The following CTNNA3 variants were observed in gnomAD, a reference collection of about 807,000 sequenced individuals.
CTNNA3 encodes the protein catenin alpha 3.
A neutral mutation model predicts 95.7 loss-of-function variants in CTNNA3; 76 were observed. The ratio of observed to expected loss-of-function variants is 0.79; its 90% CI spans 0.66 to 0.96. The LOEUF is 0.96. Ranked by LOEUF, CTNNA3 falls within the 40% of genes least tolerant of loss-of-function variation. CTNNA3 has a pLI of 0.00. For synonymous variants in CTNNA3, 431 were observed against 374.4 expected (o/e 1.15, Z -1.74); for missense variants, 1,191 against 1,089.8 (o/e 1.09, Z -1.31).
At chr10:66,234,646 A>G (rs2089761831) in intron 13 of CTNNA3, among the ~76,000 whole-genome samples, 1 of 152,180 alleles carries the variant, frequency 6.6e-6, no homozygotes, top group Non-Finnish European at 1.5e-5. Flanking sequence ...TACATCCCTA[A>G]GGCAGGTGAA....
intron 6 of CTNNA3, among the ~76,000 whole-genome samples, chr10:67,197,907 T>A (rs915323679): frequency 2.0e-4 from 31 of 152,110 alleles, no homozygotes; most frequent in African/African-American, 7.2e-4. Flanking sequence ...GGAGTCTACA[T>A]AAAGCTACAT....
Position 66,083,043 on chromosome 10 carries a change from T to TTC in CTNNA3, c.1978-13555_1978-13554insGA, listed in dbSNP as rs1232655869. Among the ~76,000 whole-genome samples the TTC allele has an allele frequency of 5.3e-5, 8 of 150,984 alleles. No homozygotes were observed. The South Asian group carries it at 6.3e-4, about 12-fold the overall frequency. ...AGGAAAGTCTAAAACTATTTTTTTT[T>TTC]CTCTTTGCTAGAGATCTTCTTAGTG... On this transcript the variant is annotated intron_variant, in intron 14 of 17. Coordinates refer to ENST00000433211, the MANE Select transcript of CTNNA3 (RefSeq NM_013266.4).
chr10:66,124,903 T>C (rs1325385782), intron 13 of CTNNA3, among the ~76,000 whole-genome samples: 1 of 152,180 alleles, frequency 6.6e-6, no homozygotes, highest in Non-Finnish European at 1.5e-5. Context: ...TACAATTTAA[T>C]ATGAGATTTT....
intron 7 of CTNNA3, among the ~76,000 whole-genome samples, chr10:66,950,651 A>G (rs1848492395): frequency 6.6e-6 from 1 of 152,184 alleles, no homozygotes; most frequent in Non-Finnish European, 1.5e-5. Flanking sequence ...CAGCAAAAGA[A>G]CCATTAGAAA....
At chr10:66,906,597 G>A (rs150027339) in intron 7 of CTNNA3, among the ~76,000 whole-genome samples, 34 of 152,058 alleles carry the variant, frequency 2.2e-4, no homozygotes, top group Admixed American at 4.6e-4. Flanking sequence ...TTAATTTTTC[G>A]ATACAATATG....
intron 10 of CTNNA3, among the ~76,000 whole-genome samples, chr10:66,553,690 G>T (rs1476834924): frequency 6.6e-6 from 1 of 151,056 alleles, no homozygotes; most frequent in Admixed American, 6.6e-5. Flanking sequence ...ACCACACCCG[G>T]CTAATTTTTT....
intron 7 of CTNNA3, among the ~76,000 whole-genome samples, chr10:67,022,602 GTATAC>G (rs1256534533): frequency 6.6e-6 from 1 of 152,108 alleles, no homozygotes; most frequent in Non-Finnish European, 1.5e-5. Context: ...ACAAAGGTAA[GTATAC>G]TATTTTTTAC....
intron 13 of CTNNA3, among the ~76,000 whole-genome samples, chr10:66,237,411 G>C (rs892002110): frequency 6.6e-6 from 1 of 152,128 alleles, no homozygotes; most frequent in Non-Finnish European, 1.5e-5. Flanking sequence ...GGCTTTACAT[G>C]ATGACGTGTA....
chr10:67,063,333 TAGG>T (rs1282078929), intron 7 of CTNNA3, among the ~76,000 whole-genome samples: 1 of 152,208 alleles, frequency 6.6e-6, no homozygotes. Flanking sequence ...TAGCCTGAGA[TAGG>T]ACAAAACTGA....
At chr10:66,820,579 C>T (rs892453457) in intron 7 of CTNNA3, among the ~76,000 whole-genome samples, 5 of 149,146 alleles carry the variant, frequency 3.4e-5, no homozygotes, top group African/African-American at 1.2e-4. Context: ...TAAATATTTG[C>T]TGAATGGCTG....
intron 1 of CTNNA3, among the ~76,000 whole-genome samples, chr10:67,676,523 G>C (rs1267220772): frequency 6.6e-6 from 1 of 152,146 alleles, no homozygotes; most frequent in Non-Finnish European, 1.5e-5. Flanking sequence ...AGGGAATCCA[G>C]TATCTCTCTT....
intron 9 of CTNNA3, among the ~76,000 whole-genome samples, chr10:66,741,684 G>C (rs1323335733): frequency 6.6e-6 from 1 of 152,214 alleles, no homozygotes; most frequent in Non-Finnish European, 1.5e-5. Context: ...GGGACTGGCT[G>C]AAGCCATGGC....
At chr10:66,002,877 G>T (rs1255504132) in intron 15 of CTNNA3, among the ~76,000 whole-genome samples, 1 of 152,204 alleles carries the variant, frequency 6.6e-6, no homozygotes, top group Non-Finnish European at 1.5e-5. Flanking sequence ...GGAAAGAAAA[G>T]AAAACAAGGT....
chr10:66,452,850 A>C (rs1283435407), intron 11 of CTNNA3, among the ~76,000 whole-genome samples: 2 of 151,908 alleles, frequency 1.3e-5, no homozygotes, highest in South Asian at 4.2e-4. Flanking sequence ...GACTGCCTAT[A>C]ATTTCATCCC....
chr10:66,511,332 T>A (rs1911352), intron 11 of CTNNA3, among the ~76,000 whole-genome samples: 5 of 151,612 alleles, frequency 3.3e-5, no homozygotes, highest in Admixed American at 2.6e-4. Flanking sequence ...ACTTTTTTCA[T>A]GAATCTTTTG....
chr10:66,494,933 C>A (rs558952309), intron 11 of CTNNA3, among the ~76,000 whole-genome samples: 1 of 152,156 alleles, frequency 6.6e-6, no homozygotes, highest in South Asian at 2.1e-4. Context: ...GGTGAGAGAG[C>A]ACACACGATA....
At chr10:66,447,824 A>G (rs1448466723) in intron 11 of CTNNA3, among the ~76,000 whole-genome samples, 1 of 152,004 alleles carries the variant, frequency 6.6e-6, no homozygotes, top group Non-Finnish European at 1.5e-5. Flanking sequence ...AAATTGACAA[A>G]TGGGGTCTAA....
chr10:66,365,801 G>A (rs575164031), intron 12 of CTNNA3, among the ~76,000 whole-genome samples: 1 of 151,844 alleles, frequency 6.6e-6, no homozygotes, highest in South Asian at 2.1e-4. Flanking sequence ...CATTCACACT[G>A]AGGTGCCATG....
At chr10:67,705,775 T>C (rs1384559083) in intron 1 of CTNNA3, among the ~76,000 whole-genome samples, 8 of 145,530 alleles carry the variant, frequency 5.5e-5, no homozygotes, top group Non-Finnish European at 1.2e-4. Context: ...ACTTAAAGTA[T>C]AATAATAATA....
Sources: allele counts gnomAD v4.1 joint callset (sites outside exome capture counted in the v4.1 genomes callset), GRCh38; gene constraint gnomAD v4.1.1; transcripts MANE v1.5; gene names NCBI Gene and HGNC (gene_info 2026-07-23, HGNC 2026-07-21).